ERI3: variants seen among roughly 807,000 people sequenced by gnomAD.
ERI3 encodes ERI1 exoribonuclease 3.
In ERI3, 18 loss-of-function variants were observed where a neutral mutation model predicts 44.4. The observed-to-expected ratio is 0.41, with a 90% CI of 0.28 to 0.60. The LOEUF (loss-of-function observed/expected upper bound fraction) is 0.60, where lower values mean the gene tolerates loss of function less well. Ranked by LOEUF, ERI3 falls within the 20% of genes least tolerant of loss-of-function variation. The pLI, the probability that ERI3 is intolerant of heterozygous loss-of-function variation, is 0.36. For missense variants in ERI3, 294 were observed against 435.5 expected (o/e 0.68, Z 2.89); for synonymous variants, 183 against 164.8 (o/e 1.11, Z -0.84).
At chr1:44,348,609 C>T (rs1054689994) in intron 2 of ERI3, among the ~76,000 whole-genome samples, 2 of 152,186 alleles carry the variant, frequency 1.3e-5, no homozygotes, top group Admixed American at 6.5e-5. Context: ...AACAATGATC[C>T]AAAAGGGAGT....
At chr1:44,344,860 T>C (rs1331020209) in intron 2 of ERI3, among the ~76,000 whole-genome samples, 1 of 152,066 alleles carries the variant, frequency 6.6e-6, no homozygotes, top group Non-Finnish European at 1.5e-5. Context: ...CTCTCCTCAA[T>C]ATGAAGGGCC....
chr1:44,302,625 G>A (rs777825845), intron 6 of ERI3, among the ~76,000 whole-genome samples: 1 of 152,150 alleles, frequency 6.6e-6, no homozygotes, highest in Non-Finnish European at 1.5e-5. Flanking sequence ...CACATCTCCT[G>A]GCCAACTGGG....
chr1:44,299,942 C>T lies in ERI3; in HGVS notation c.758+8368G>A, dbSNP rs111342776. Among the ~76,000 whole-genome samples, 550 of 152,218 alleles carry T rather than the reference C, an allele frequency of 3.6e-3. 2 individuals are homozygous for T. The highest frequency in any genetic ancestry group is 0.012 in the African/African-American group (506 of 41,530). On this transcript the variant is annotated intron_variant, in intron 6 of 8. Coordinates refer to ENST00000372257, the MANE Select transcript of ERI3 (RefSeq NM_024066.3). ...CCTGAAGAGCCACCAACATAGGATC[C>T]AATTTGTCTTCCTGACAAACCAGGC...
At chr1:44,310,963 G>GCGCGCGCGCGCACACACACA (rs1373873768) in intron 5 of ERI3, among the ~76,000 whole-genome samples, 1 of 123,202 alleles carries the variant, frequency 8.1e-6, no homozygotes, top group Non-Finnish European at 1.7e-5. Context: ...GCGCGCGCGC[G>GCGCGCGCGCGCACACACACA]CACACACACA....
chr1:44,317,522 T>C (rs1646115353), intron 4 of ERI3, among the ~76,000 whole-genome samples: 1 of 152,128 alleles, frequency 6.6e-6, no homozygotes, highest in South Asian at 2.1e-4. Flanking sequence ...TCCTTGACAA[T>C]ATTCATTCAT....
At position 44,353,863 on chromosome 1, in the gene ERI3, T is replaced by C. The variant is rs80062465; in HGVS notation, c.136-938A>G. On this transcript the variant is annotated intron_variant, in intron 1 of 8. Coordinates refer to ENST00000372257, the MANE Select transcript of ERI3 (RefSeq NM_024066.3). Reference sequence around the variant, plus strand: ...CTATAAAGGAAACCTTATCAATCACTTCCCGGCAGCTCCCTTCCCCCAACC... The same window carrying C: ...CTATAAAGGAAACCTTATCAATCACCTCCCGGCAGCTCCCTTCCCCCAACC... 5.1e-6 allele frequency: 5 copies of C among 985,294 alleles called. No homozygotes were observed. The African/African-American group carries it at 8.7e-5, about 17-fold the overall frequency. 61.0% of individuals were successfully genotyped at this position (985,294 alleles called of 1,614,324 possible). A position where few individuals can be genotyped will look rare whatever the true frequency, so the allele number is the denominator to read the frequency against.
At chr1:44,250,717 A>G (rs1484161978) in intron 7 of ERI3, among the ~76,000 whole-genome samples, 2 of 151,856 alleles carry the variant, frequency 1.3e-5, no homozygotes, top group Admixed American at 6.5e-5. Flanking sequence ...GGCCTCATCC[A>G]GCACTTCCTC....
chr1:44,230,044 C>T (rs1557767274), intron 8 of ERI3, among the ~76,000 whole-genome samples: 1 of 152,268 alleles, frequency 6.6e-6, no homozygotes, highest in East Asian at 1.9e-4. Flanking sequence ...TTATTACACG[C>T]CTTGTTAGAG....
chr1:44,241,726 G>A lies in ERI3; in HGVS notation c.931+6213C>T, dbSNP rs563171185. On this transcript the variant is annotated intron_variant, in intron 8 of 8. Coordinates refer to ENST00000372257, the MANE Select transcript of ERI3 (RefSeq NM_024066.3). The surrounding 1 kb of genome is among the most constrained non-coding windows in gnomAD (Gnocchi z 5.6). ...TGACAGGAGATACAGAGAGAGACAA[G>A]GGGAGGCGAGGCCGGGGCCTGGGGC... Among the ~76,000 whole-genome samples the A allele has an allele frequency of 2.0e-5, 3 of 152,250 alleles. No homozygotes were observed. Among genetic ancestry groups the A allele is most frequent in the Admixed American group, 2.0e-4 (3 of 15,302 alleles).
At chr1:44,336,945 C>T (rs1646547423) in intron 3 of ERI3, among the ~76,000 whole-genome samples, 1 of 152,162 alleles carries the variant, frequency 6.6e-6, no homozygotes, top group Admixed American at 6.5e-5. Context: ...GTCTTGGTGC[C>T]TAAGTCTGGG....
intron 3 of ERI3, among the ~76,000 whole-genome samples, chr1:44,322,400 A>AG (rs1180400758): frequency 2.7e-5 from 4 of 150,724 alleles, no homozygotes; most frequent in Non-Finnish European, 4.4e-5. Context: ...AAAAAAAAGG[A>AG]GGGGGGTAGG....
rs1557759866 is a variant in ERI3, at chr1:44,221,865, A to G, written c.932-225T>C. Among the ~76,000 whole-genome samples the G allele has an allele frequency of 6.6e-6, 1 of 152,110 alleles. No homozygotes were observed. Among genetic ancestry groups the G allele is most frequent in the Admixed American group, 6.5e-5 (1 of 15,274 alleles). Reference sequence around the variant, plus strand: ...TCGATGCTTCTCAGTTCCATAATTCATGCTGGAAATTGGCCGGCATGTCCC... The same window carrying G: ...TCGATGCTTCTCAGTTCCATAATTCGTGCTGGAAATTGGCCGGCATGTCCC... On this transcript the variant is annotated intron_variant, in intron 8 of 8. Coordinates refer to ENST00000372257, the MANE Select transcript of ERI3 (RefSeq NM_024066.3). This position sits in a 1 kb window ranked among gnomAD's most constrained non-coding sequence, Gnocchi z 5.9.
At chr1:44,238,173 T>A (rs1644349016) in intron 8 of ERI3, among the ~76,000 whole-genome samples, 2 of 152,114 alleles carry the variant, frequency 1.3e-5, no homozygotes, top group Admixed American at 1.3e-4. Flanking sequence ...GGAGCCATCA[T>A]TAGCGGTGCT....
chr1:44,222,894 C>CA (rs1361091353), intron 8 of ERI3, among the ~76,000 whole-genome samples: 1 of 152,198 alleles, frequency 6.6e-6, no homozygotes, highest in African/African-American at 2.4e-5. Flanking sequence ...GAAGCCTCTG[C>CA]ATGTCAAGGC....
At chr1:44,303,938 G>C (rs1051392289) in intron 6 of ERI3, among the ~76,000 whole-genome samples, 22 of 152,200 alleles carry the variant, frequency 1.4e-4, no homozygotes, top group African/African-American at 5.3e-4. Flanking sequence ...GTAGGGATGG[G>C]AAGAAAGGAA....
At chr1:44,326,590 T>G (rs2154329916) in intron 3 of ERI3, among the ~76,000 whole-genome samples, 1 of 152,330 alleles carries the variant, frequency 6.6e-6, no homozygotes, top group Admixed American at 6.5e-5. Context: ...AGCTTATAAA[T>G]TACCCGTCGA....
At chr1:44,317,907 C>T (rs911288397) in intron 4 of ERI3, among the ~76,000 whole-genome samples, 2 of 152,114 alleles carry the variant, frequency 1.3e-5, no homozygotes, top group South Asian at 4.1e-4. Flanking sequence ...AAGATCATGG[C>T]GAGTTTTGAG....
chr1:44,248,461 G>C (rs1366963193), intron 7 of ERI3, among the ~76,000 whole-genome samples: 5 of 152,086 alleles, frequency 3.3e-5, no homozygotes, highest in Admixed American at 6.5e-5. Flanking sequence ...ACTAGCTTCA[G>C]GCAGGACCTT....
At chr1:44,349,866 T>C (rs1646856082) in intron 2 of ERI3, among the ~76,000 whole-genome samples, 2 of 152,128 alleles carry the variant, frequency 1.3e-5, no homozygotes, top group Non-Finnish European at 2.9e-5. Context: ...CTAGGGCTTG[T>C]AGGATGAAGA....
Sources: allele counts gnomAD v4.1 joint callset (sites outside exome capture counted in the v4.1 genomes callset), GRCh38; gene constraint gnomAD v4.1.1; non-coding constraint Gnocchi (gnomAD v3.1); transcripts MANE v1.5; gene names NCBI Gene and HGNC (gene_info 2026-07-23, HGNC 2026-07-21).